CFAP54: variants seen among roughly 807,000 people sequenced by gnomAD.
The protein encoded by CFAP54 is cilia and flagella associated protein 54, also known as cilia- and flagella-associated protein 54.
In CFAP54, 290 loss-of-function variants were observed where a neutral mutation model predicts 370.4. That is an observed-to-expected ratio of 0.78 (90% CI 0.71 to 0.86). CFAP54 has a LOEUF of 0.86. Ranked by LOEUF, CFAP54 falls within the 40% of genes least tolerant of loss-of-function variation. The pLI is 0.00. For missense variants in CFAP54, 3,399 were observed against 3,528.7 expected (o/e 0.96, Z 0.93); for synonymous variants, 1,206 against 1,236.5 (o/e 0.98, Z 0.52).
At chr12:96,645,902 G>T (rs999160677) in intron 33 of CFAP54, 1 of 152,200 alleles carries the variant, frequency 6.6e-6, no homozygotes, top group Non-Finnish European at 1.5e-5. Flanking sequence ...GCCATATTTA[G>T]AAAGTTGAAA....
chr12:96,562,227 A>G (rs1018050832), intron 17 of CFAP54, among the ~76,000 whole-genome samples: 3 of 152,140 alleles, frequency 2.0e-5, no homozygotes, highest in African/African-American at 7.2e-5. Flanking sequence ...TATCCTGGCA[A>G]ATTAACAAAT....
chr12:96,567,770 T>C (rs1955877301), intron 19 of CFAP54, among the ~76,000 whole-genome samples: 1 of 152,144 alleles, frequency 6.6e-6, no homozygotes, highest in Non-Finnish European at 1.5e-5. Context: ...CCCCTGTATG[T>C]GTCTGCCTCC....
At chr12:96,840,626 C>CTTT (rs11445758) in intron 66 of CFAP54, among the ~76,000 whole-genome samples, 9 of 120,584 alleles carry the variant, frequency 7.5e-5, no homozygotes, top group East Asian at 2.5e-4. Context: ...CTGTTTCTTT[C>CTTT]TTTTTTTTTT....
chr12:96,856,434 T>A (rs1959705717), intron 66 of CFAP54, among the ~76,000 whole-genome samples: 1 of 152,192 alleles, frequency 6.6e-6, no homozygotes, highest in East Asian at 1.9e-4. Flanking sequence ...TTGAACACTT[T>A]GCTGCTTAGA....
intron 39 of CFAP54, among the ~76,000 whole-genome samples, chr12:96,675,402 C>T (rs1225431519): frequency 2.0e-5 from 3 of 152,180 alleles, no homozygotes; most frequent in Non-Finnish European, 4.4e-5. Flanking sequence ...CATCTCACAC[C>T]AGTTAGAATG....
intron 26 of CFAP54, among the ~76,000 whole-genome samples, chr12:96,603,362 T>A (rs192371714): frequency 6.6e-5 from 10 of 152,326 alleles, no homozygotes; most frequent in Admixed American, 1.3e-4. Flanking sequence ...TGGGTAACCC[T>A]ACCTTTCTCT....
intron 64 of CFAP54, among the ~76,000 whole-genome samples, chr12:96,816,479 G>A (rs182377859): frequency 2.6e-5 from 4 of 152,002 alleles, no homozygotes; most frequent in Admixed American, 6.5e-5. Flanking sequence ...AGTTTCTAAG[G>A]CATACTATAT....
At chr12:96,703,070 T>C (rs1433233683) in intron 46 of CFAP54, among the ~76,000 whole-genome samples, 1 of 152,174 alleles carries the variant, frequency 6.6e-6, no homozygotes, top group Non-Finnish European at 1.5e-5. Flanking sequence ...AAGAATATCT[T>C]CAAAGAAGGG....
intron 32 of CFAP54, among the ~76,000 whole-genome samples, chr12:96,636,657 T>C (rs1174985688): frequency 6.6e-6 from 1 of 152,168 alleles, no homozygotes; most frequent in Non-Finnish European, 1.5e-5. Flanking sequence ...TATCTTCCTT[T>C]TAAAAAACAG....
intron 27 of CFAP54, among the ~76,000 whole-genome samples, chr12:96,622,625 C>T (rs991016691): frequency 6.6e-6 from 1 of 152,142 alleles, no homozygotes; most frequent in Admixed American, 6.5e-5. Context: ...TCTGGGATTA[C>T]AGGTGTGAGC....
chr12:96,665,186 G>C (rs983169125), intron 39 of CFAP54, among the ~76,000 whole-genome samples: 2 of 150,122 alleles, frequency 1.3e-5, no homozygotes, highest in African/African-American at 4.9e-5. Context: ...TTGTAAATTT[G>C]CTTAAGTTCC....
At chr12:96,771,468 C>G (rs900894453) in intron 60 of CFAP54, among the ~76,000 whole-genome samples, 2 of 152,098 alleles carry the variant, frequency 1.3e-5, no homozygotes, top group Non-Finnish European at 2.9e-5. Flanking sequence ...CTGGCTAACA[C>G]GGTGAAACCC....
chr12:96,591,626 A>C (rs1956125178), intron 23 of CFAP54, among the ~76,000 whole-genome samples: 1 of 152,176 alleles, frequency 6.6e-6, no homozygotes. Flanking sequence ...GCGGTGGCTC[A>C]CGCCTGTAAT....
At chr12:96,861,755 A>T (rs1301175484) in intron 67 of CFAP54, among the ~76,000 whole-genome samples, 1 of 152,176 alleles carries the variant, frequency 6.6e-6, no homozygotes, top group Non-Finnish European at 1.5e-5. Flanking sequence ...GGTGAGTTGA[A>T]TTAATAAGGT....
intron 14 of CFAP54, among the ~76,000 whole-genome samples, chr12:96,542,294 G>C (rs1340841752): frequency 6.6e-6 from 1 of 152,130 alleles, no homozygotes; most frequent in Non-Finnish European, 1.5e-5. Flanking sequence ...CCCAAGCTCT[G>C]TCCTACTTCA....
intron 56 of CFAP54, among the ~76,000 whole-genome samples, chr12:96,754,469 A>G (rs1362023482): frequency 6.6e-6 from 1 of 152,186 alleles, no homozygotes; most frequent in African/African-American, 2.4e-5. Context: ...TGTATTCAGT[A>G]TGTTCAATAT....
intron 26 of CFAP54, among the ~76,000 whole-genome samples, chr12:96,604,991 C>T (rs1309468110): frequency 6.6e-6 from 1 of 152,186 alleles, no homozygotes; most frequent in African/African-American, 2.4e-5. Context: ...CACCCACTGT[C>T]CAACCAGCCC....
chr12:96,713,699 G>C (rs1248929451), intron 48 of CFAP54, among the ~76,000 whole-genome samples: 1 of 152,052 alleles, frequency 6.6e-6, no homozygotes, highest in Admixed American at 6.6e-5. Context: ...GCAGGAGTGG[G>C]GTGTGATTTA....
Position 96,489,786 on chromosome 12 carries a change from C to G in CFAP54, c.177C>G (p.Ala59=), listed in dbSNP as rs911981681. 6.5e-7 allele frequency: 1 copy of G among 1,535,992 alleles called. No individual in the cohort carries two copies. The highest frequency in any genetic ancestry group is 1.4e-5 in the African/African-American group (1 of 73,040). ...WTCPEDSLPL[A]VFYGPLDAKN... ...GCCCCGAGGACTCATTGCCCCTAGCCGTGTTTTATGGGCCGCTGGACGCGA... is the reference window on the plus strand; with the variant it reads ...GCCCCGAGGACTCATTGCCCCTAGCGGTGTTTTATGGGCCGCTGGACGCGA... Residue 59 remains alanine, a synonymous_variant, in exon 1 of 68, where the codon GCC becomes GCG. Transcript: ENST00000524981.
Sources: gnomAD v4.1 joint callset for allele counts (sites outside exome capture counted in the v4.1 genomes callset) on GRCh38, gnomAD v4.1.1 for gene constraint, MANE v1.5 for transcripts, NCBI Gene and HGNC (gene_info 2026-07-23, HGNC 2026-07-21) for gene names.